DACH2: variants seen among roughly 807,000 people sequenced by gnomAD.
DACH2 encodes dachshund homolog 2.
In DACH2, 17 loss-of-function variants were observed where a neutral mutation model predicts 35.8. That is an observed-to-expected ratio of 0.48 (90% CI 0.33 to 0.71). The LOEUF is 0.71. Ranked by LOEUF, DACH2 falls within the 30% of genes least tolerant of loss-of-function variation. The pLI is 0.02. For synonymous variants in DACH2, 195 were observed against 177.3 expected (o/e 1.10, Z -0.79); for missense variants, 469 against 472.7 (o/e 0.99, Z 0.07).
At chrX:86,820,103 A>AAAG (rs927499209) in intron 11 of DACH2, among the ~76,000 whole-genome samples, 3 of 111,878 alleles carry the variant, frequency 2.7e-5, no homozygotes, top group African/African-American at 9.7e-5. Flanking sequence ...ATAAAATACT[A>AAAG]AAGTTCAGGG....
At chrX:86,332,283 G>A (rs1249395289) in intron 1 of DACH2, among the ~76,000 whole-genome samples, 1 of 111,389 alleles carries the variant, frequency 9.0e-6, no homozygotes, top group Non-Finnish European at 1.9e-5. Flanking sequence ...TTCAATAACA[G>A]TGTTGCCCAG....
At chrX:86,556,779 TATATATATATATATATAGAGAG>T (rs1214667409) in intron 3 of DACH2, among the ~76,000 whole-genome samples, 4 of 64,323 alleles carry the variant, frequency 6.2e-5, no homozygotes, top group Admixed American at 4.1e-4. Context: ...TATATATATA[TATATATATATATATATAGAGAG>T]AGAGAGAGAG....
intron 3 of DACH2, among the ~76,000 whole-genome samples, chrX:86,648,668 A>G (rs1163925991): frequency 9.0e-6 from 1 of 111,029 alleles, no homozygotes; most frequent in East Asian, 2.8e-4. Flanking sequence ...ATTATGGTAT[A>G]AATTATGGTG....
chrX:86,668,992 A>G (rs983057156), intron 4 of DACH2, among the ~76,000 whole-genome samples: 1 of 111,747 alleles, frequency 8.9e-6, no homozygotes, highest in Non-Finnish European at 1.9e-5. Context: ...TAAAAATTTT[A>G]TATTCAAACA....
intron 3 of DACH2, among the ~76,000 whole-genome samples, chrX:86,603,010 T>G (rs906434952): frequency 1.7e-4 from 19 of 111,508 alleles, no homozygotes; most frequent in African/African-American, 6.2e-4. Flanking sequence ...TACCACAAAC[T>G]TGTTGGCGTA....
intron 1 of DACH2, among the ~76,000 whole-genome samples, chrX:86,363,916 G>T (rs1403568124): frequency 1.8e-5 from 2 of 111,154 alleles, no homozygotes; most frequent in Non-Finnish European, 3.8e-5. Flanking sequence ...ATTATCCTCT[G>T]CTGCTGCTCC....
intron 2 of DACH2, among the ~76,000 whole-genome samples, chrX:86,411,020 T>TTATCTATATATATATATATATATA (rs2036602345): frequency 2.5e-5 from 1 of 40,528 alleles, no homozygotes; most frequent in Non-Finnish European, 4.4e-5. Flanking sequence ...ACTAATATGA[T>TTATCTATATATATATATATATATA]TATATATATA....
chrX:86,506,289 C>G (rs891754507), intron 2 of DACH2, among the ~76,000 whole-genome samples: 1 of 112,097 alleles, frequency 8.9e-6, no homozygotes, highest in African/African-American at 3.2e-5. Context: ...GCTGTCAGTA[C>G]AGGGCTGAGT....
intron 4 of DACH2, among the ~76,000 whole-genome samples, chrX:86,688,764 A>T (rs1463635077): frequency 4.5e-5 from 5 of 112,072 alleles, no homozygotes; most frequent in African/African-American, 1.6e-4. Flanking sequence ...TGTTTTACAC[A>T]AACTGCTTAT....
At chrX:86,806,300 G>C (rs1027071749) in intron 7 of DACH2, among the ~76,000 whole-genome samples, 5 of 110,134 alleles carry the variant, frequency 4.5e-5, no homozygotes, top group African/African-American at 1.7e-4. Context: ...AGAGCAGGAG[G>C]AAGAGATAGA....
chrX:86,727,575 G>T (rs768317406), intron 6 of DACH2, among the ~76,000 whole-genome samples: 6 of 110,861 alleles, frequency 5.4e-5, no homozygotes, highest in Non-Finnish European at 1.1e-4. Context: ...GGATCATGAG[G>T]GTGGATCCCC....
chrX:86,556,140 C>G (rs568544497), intron 3 of DACH2, among the ~76,000 whole-genome samples: 1 of 111,139 alleles, frequency 9.0e-6, no homozygotes, highest in African/African-American at 3.3e-5. Context: ...TAACAGAACT[C>G]ATAGAATCCT....
At chrX:86,369,321 ATATTT>A (rs1021005423) in intron 1 of DACH2, among the ~76,000 whole-genome samples, 2 of 111,306 alleles carry the variant, frequency 1.8e-5, no homozygotes, top group African/African-American at 3.3e-5. Flanking sequence ...TTATTTTGAA[ATATTT>A]TATTTTAGAC....
At chrX:86,260,612 G>A (rs772925871) in intron 1 of DACH2, among the ~76,000 whole-genome samples, 1 of 112,229 alleles carries the variant, frequency 8.9e-6, no homozygotes, top group South Asian at 3.7e-4. Context: ...TGTTCAATAT[G>A]CGTTTGTTTA....
chrX:86,797,475 A>C (rs1216103468), intron 7 of DACH2, among the ~76,000 whole-genome samples: 1 of 111,057 alleles, frequency 9.0e-6, no homozygotes, highest in Non-Finnish European at 1.9e-5. Flanking sequence ...AAAAATTCTC[A>C]AGTACTAGGG....
At chrX:86,536,459 A>G (rs1018198068) in intron 3 of DACH2, among the ~76,000 whole-genome samples, 1 of 112,100 alleles carries the variant, frequency 8.9e-6, no homozygotes, top group Non-Finnish European at 1.9e-5. Context: ...TTCCATTACT[A>G]TGTCTTTTCA....
At chrX:86,613,207 G>A (rs1328791711) in intron 3 of DACH2, among the ~76,000 whole-genome samples, 1 of 111,121 alleles carries the variant, frequency 9.0e-6, no homozygotes, top group Non-Finnish European at 1.9e-5. Flanking sequence ...GTAGTTTTCT[G>A]TTTAAAAAAA....
At chrX:86,395,255 A>G (rs1333471511) in intron 2 of DACH2, among the ~76,000 whole-genome samples, 1 of 111,894 alleles carries the variant, frequency 8.9e-6, no homozygotes, top group Non-Finnish European at 1.9e-5. Context: ...CTCTCATAAA[A>G]GTAGATCCTT....
chrX:86,561,843 A>G, intron 3 of DACH2, among the ~76,000 whole-genome samples: 1 of 73,757 alleles, frequency 1.4e-5, no homozygotes, highest in Non-Finnish European at 2.5e-5. Flanking sequence ...TGGCACATGT[A>G]TACATATGTA....
Sources: gnomAD v4.1 joint callset for allele counts (sites outside exome capture counted in the v4.1 genomes callset) on GRCh38, gnomAD v4.1.1 for gene constraint, MANE v1.5 for transcripts, NCBI Gene and HGNC (gene_info 2026-07-23, HGNC 2026-07-21) for gene names.